CTNNA2: variants seen among roughly 807,000 people sequenced by gnomAD.
The protein encoded by CTNNA2 is catenin alpha-2.
In CTNNA2, 42 loss-of-function variants were observed where a neutral mutation model predicts 101.0. That is an observed-to-expected ratio of 0.42 (90% CI 0.32 to 0.54). The LOEUF (loss-of-function observed/expected upper bound fraction) is 0.54, where lower values mean the gene tolerates loss of function less well. Ranked by LOEUF, CTNNA2 falls within the 20% of genes least tolerant of loss-of-function variation. CTNNA2 has a pLI of 0.14. For missense variants in CTNNA2, 871 were observed against 1,223.1 expected (o/e 0.71, Z 4.29); for synonymous variants, 450 against 456.4 (o/e 0.99, Z 0.18).
rs138010630 is a variant in CTNNA2, at chr2:80,230,126, G to T, written c.1057-163085G>T. On this transcript the variant is annotated intron_variant, in intron 7 of 18. Transcript: ENST00000402739. ...GTAGTAGGCTGTACCATCTAGGTTT[G>T]TGTAAGTACACTCTATGATGTTCAC... Among the ~76,000 whole-genome samples, 124 of 152,192 alleles carry T rather than the reference G, an allele frequency of 8.1e-4. 3 individuals are homozygous for T. In the East Asian group the frequency reaches 0.019, roughly 24 times the overall value.
intron 3 of CTNNA2, among the ~76,000 whole-genome samples, chr2:79,342,157 A>T (rs914207735): frequency 6.6e-6 from 1 of 152,196 alleles, no homozygotes; most frequent in Non-Finnish European, 1.5e-5. Context: ...TCTCATCAAC[A>T]TTAGCTAATA....
intron 18 of CTNNA2, among the ~76,000 whole-genome samples, chr2:80,646,459 T>A (rs1322423746): frequency 6.6e-6 from 1 of 152,108 alleles, no homozygotes; most frequent in Non-Finnish European, 1.5e-5. Flanking sequence ...CTAGCTCACA[T>A]GTAGACTCCT....
intron 7 of CTNNA2, among the ~76,000 whole-genome samples, chr2:80,018,487 AGG>A (rs1694308393): frequency 6.6e-6 from 1 of 152,178 alleles, no homozygotes. Flanking sequence ...ATTATAAATC[AGG>A]ACCTTGGCCG....
rs1553385350 is a variant in CTNNA2, at chr2:79,860,565, T to TTTTTTA, written c.465+2386_465+2387insTTTTTA. 2.8e-4 allele frequency among the ~76,000 whole-genome samples: 43 copies of TTTTTTA among 150,884 alleles called. 1 individual carries two copies. The highest frequency in any genetic ancestry group is 1.0e-3 in the African/African-American group (42 of 40,986). Reference sequence around the variant, plus strand: ...AGGGAAGTTTTTTTTTTTTTTTTTTTAACGATTTAGCACAAAATCATGGAA... The same window carrying TTTTTTA: ...AGGGAAGTTTTTTTTTTTTTTTTTTTTTTTTAAACGATTTAGCACAAAATCATGGAA... On this transcript the variant is annotated intron_variant, in intron 4 of 18. Transcript: ENST00000402739.
chr2:80,617,391 T>A (rs1017892346), intron 17 of CTNNA2, among the ~76,000 whole-genome samples: 2 of 151,598 alleles, frequency 1.3e-5, no homozygotes, highest in African/African-American at 4.8e-5. Flanking sequence ...AATTGCAAAA[T>A]CTCACACACA....
In CTNNA2 at chr2:79,796,413, GT is replaced by G. The variant is rs1389324556; in HGVS notation, c.298+51832del. 2.9e-3 allele frequency among the ~76,000 whole-genome samples: 328 copies of G among 114,302 alleles called. 2 individuals are homozygous for G. The highest frequency in any genetic ancestry group is 0.013 in the African/African-American group (315 of 23,752). 75.0% of individuals were successfully genotyped at this position (114,302 alleles called of 152,430 possible). A position where few individuals can be genotyped will look rare whatever the true frequency, so the allele number is the denominator to read the frequency against. ...CCGTCTCAAAAAAAAAAAAAAAAAA[GT>G]GGCCTAAACTATGCCCAAGTTGGTG... On this transcript the variant is annotated intron_variant, in intron 3 of 18. Transcript: ENST00000402739.
intron 7 of CTNNA2, among the ~76,000 whole-genome samples, chr2:80,270,400 A>C (rs1287817360): frequency 6.6e-6 from 1 of 152,186 alleles, no homozygotes; most frequent in Non-Finnish European, 1.5e-5. Context: ...TTTGCCACTG[A>C]TGGGGTGCAG....
At chr2:79,202,425 C>T (rs1674048958) in intron 2 of CTNNA2, among the ~76,000 whole-genome samples, 1 of 152,016 alleles carries the variant, frequency 6.6e-6, no homozygotes, top group Non-Finnish European at 1.5e-5. Context: ...TCACTGCAGC[C>T]TTGGATTCTT....
At chr2:80,151,313 A>G (rs1703680732) in intron 7 of CTNNA2, among the ~76,000 whole-genome samples, 1 of 152,208 alleles carries the variant, frequency 6.6e-6, no homozygotes, top group African/African-American at 2.4e-5. Flanking sequence ...AATGGAGTTT[A>G]GTTCTCCCAA....
chr2:79,739,527 T>A (rs1671132460), intron 2 of CTNNA2, among the ~76,000 whole-genome samples: 3 of 152,344 alleles, frequency 2.0e-5, no homozygotes, highest in South Asian at 4.1e-4. Flanking sequence ...TTATGATGAA[T>A]GTTTAAGAAA....
At chr2:80,453,827 C>G (rs1297422234) in intron 9 of CTNNA2, among the ~76,000 whole-genome samples, 2 of 151,998 alleles carry the variant, frequency 1.3e-5, no homozygotes, top group African/African-American at 2.4e-5. Context: ...CCGTGTTTTT[C>G]TTGATGGTAA....
At chr2:79,434,555 T>C (rs1173712212) in intron 4 of CTNNA2, among the ~76,000 whole-genome samples, 3 of 151,794 alleles carry the variant, frequency 2.0e-5, no homozygotes, top group Admixed American at 2.0e-4. Flanking sequence ...AGGAATGGAG[T>C]CAGCCAGTGT....
At chr2:79,737,694 A>C (rs1265474216) in intron 2 of CTNNA2, among the ~76,000 whole-genome samples, 2 of 152,184 alleles carry the variant, frequency 1.3e-5, no homozygotes, top group African/African-American at 4.8e-5. Context: ...CCTATATAAC[A>C]CTGATGCTCT....
intron 4 of CTNNA2, among the ~76,000 whole-genome samples, chr2:79,440,918 C>T (rs1281512948): frequency 2.0e-5 from 3 of 152,110 alleles, no homozygotes; most frequent in Non-Finnish European, 4.4e-5. Context: ...CACAGGGCAC[C>T]CAACCCAGTG....
intron 18 of CTNNA2, among the ~76,000 whole-genome samples, chr2:80,646,561 A>G (rs1674114515): frequency 1.3e-5 from 2 of 151,946 alleles, no homozygotes; most frequent in Non-Finnish European, 2.9e-5. Context: ...AGGTACTTCC[A>G]TTGGTTGGGC....
At position 80,633,681 on chromosome 2, in the gene CTNNA2, T is replaced by C. The variant is rs115839351; in HGVS notation, c.2575-13904T>C. Among the ~76,000 whole-genome samples, 1,259 of 152,280 alleles carry C rather than the reference T, an allele frequency of 8.3e-3. 10 individuals are homozygous for C. The highest frequency in any genetic ancestry group is 0.028 in the African/African-American group (1,177 of 41,554). On this transcript the variant is annotated intron_variant, in intron 18 of 18. Transcript: ENST00000402739. Reference sequence around the variant, plus strand: ...AAGTAGACCAAAAAAAGTTAACTTTTCTCTATTTCGGTTTTCTCATATATA... The same window carrying C: ...AAGTAGACCAAAAAAAGTTAACTTTCCTCTATTTCGGTTTTCTCATATATA...
Position 79,626,361 on chromosome 2 carries a change from A to C in CTNNA2, c.-5-25191A>C, listed in dbSNP as rs541335956. Among the ~76,000 whole-genome samples the C allele has an allele frequency of 5.9e-5, 9 of 152,310 alleles. No homozygotes were observed. The South Asian group carries it at 1.5e-3, about 25-fold the overall frequency. ...GAACCCTAATTACAGGTTAGCCAGG[A>C]AACAGGACCACTGGGTGGGGAAGTG... On this transcript the variant is annotated intron_variant, in intron 1 of 18. Transcript: ENST00000402739.
intron 7 of CTNNA2, among the ~76,000 whole-genome samples, chr2:80,051,016 A>T (rs1696845503): frequency 1.3e-5 from 2 of 152,298 alleles, no homozygotes; most frequent in South Asian, 2.1e-4. Context: ...GTGAGCCATG[A>T]CACCTAGCCG....
At chr2:79,641,771 G>A (rs990531678) in intron 1 of CTNNA2, among the ~76,000 whole-genome samples, 1 of 152,140 alleles carries the variant, frequency 6.6e-6, no homozygotes, top group Non-Finnish European at 1.5e-5. Flanking sequence ...GCAGTGAAAA[G>A]CAAGGAAATG....
Sources: allele counts gnomAD v4.1 joint callset (sites outside exome capture counted in the v4.1 genomes callset), GRCh38; gene constraint gnomAD v4.1.1; transcripts MANE v1.5; gene names NCBI Gene and HGNC (gene_info 2026-07-23, HGNC 2026-07-21).